MTBP: variants seen among roughly 807,000 people sequenced by gnomAD.
The protein encoded by MTBP is MDM2 binding protein, also known as mdm2-binding protein.
MTBP carries 101 observed loss-of-function variants against 117.0 expected under a neutral mutation model. The observed-to-expected ratio is 0.86, with a 90% CI of 0.73 to 1.02. MTBP has a LOEUF of 1.02. MTBP is among the 50% of genes least tolerant of loss of function. The pLI is 0.00. For synonymous variants in MTBP, 350 were observed against 351.5 expected, an observed-to-expected ratio of 1.00 and a Z score of 0.05; for missense variants, 970 against 1,030.9, an observed-to-expected ratio of 0.94 and a Z score of 0.81.
chr8:120,484,401 C>T (rs1814164652), intron 11 of MTBP, among the ~76,000 whole-genome samples: 1 of 152,032 alleles, frequency 6.6e-6, no homozygotes, highest in African/African-American at 2.4e-5. Context: ...TGGGAATAGA[C>T]TATAACCCAC....
chr8:120,505,453 T>C (rs1814669480), intron 15 of MTBP, among the ~76,000 whole-genome samples: 1 of 152,112 alleles, frequency 6.6e-6, no homozygotes, highest in Non-Finnish European at 1.5e-5. Context: ...CGGAGAGAAT[T>C]TGAGTGTTTT....
chr8:120,461,208 A>G lies in MTBP; in HGVS notation c.930A>G (p.Lys310=), dbSNP rs577492905. 3.8e-4 allele frequency: 614 copies of G among 1,606,428 alleles called. 5 individuals carry two copies. The South Asian group carries it at 6.5e-3, about 17-fold the overall frequency. ...GPALEFVQMI[K]LSDLPSCYMS... is the part of the protein sequence containing the mutation. ...CTTTAGAATTTGTGCAGATGATAAA[A>G]TTATCAGATCTACCCTCCTGCTATA... is the stretch of plus-strand genomic sequence containing the variant. Residue 310 remains lysine, a synonymous_variant, in exon 9 of 22, where the codon AAA becomes AAG. Transcript: ENST00000305949.
Position 120,490,457 on chromosome 8 carries a change from T to C in MTBP, c.1340-6T>C. Reference sequence around the variant, plus strand: ...ATGTTGACCTTTTTTTTTTCTTATTTCTCAGGTTTTCCTTTTGACTTATTA... The same window carrying C: ...ATGTTGACCTTTTTTTTTTCTTATTCCTCAGGTTTTCCTTTTGACTTATTA... On this transcript the variant is annotated splice_polypyrimidine_tract_variant and splice_region_variant and intron_variant, in intron 12 of 21. Transcript: ENST00000305949. The C allele has an allele frequency of 1.3e-6, 2 of 1,571,200 alleles. No homozygotes were observed. Among genetic ancestry groups the C allele is most frequent in the Non-Finnish European group, 1.7e-6 (2 of 1,148,298 alleles).
At chr8:120,493,231 A>G (rs891508931) in intron 13 of MTBP, among the ~76,000 whole-genome samples, 7 of 152,154 alleles carry the variant, frequency 4.6e-5, no homozygotes, top group Admixed American at 3.3e-4. Flanking sequence ...CTTTAGTCCA[A>G]TGTTTTTCTC....
chr8:120,449,096 G>T (rs1001329419), intron 2 of MTBP, among the ~76,000 whole-genome samples: 1 of 152,134 alleles, frequency 6.6e-6, no homozygotes, highest in Non-Finnish European at 1.5e-5. Flanking sequence ...TTCTGTACTG[G>T]GGGATTCTGT....
Position 120,523,349 on chromosome 8 carries a change from CTCTT to C in MTBP, c.*15_*18del, listed in dbSNP as rs753976017. On this transcript the variant is annotated 3_prime_UTR_variant, in exon 22 of 22. Transcript: ENST00000305949. ...AAGCAAGAAATGATACATAATCATTCTCTTTAAGACAATTATAAATTGGATGGAG... is the reference window on the plus strand; with the variant it reads ...AAGCAAGAAATGATACATAATCATTCTAAGACAATTATAAATTGGATGGAG... The C allele has an allele frequency of 1.3e-6, 2 of 1,486,862 alleles. No individual in the cohort carries two copies. The highest frequency in any genetic ancestry group is 1.8e-6 in the Non-Finnish European group (2 of 1,090,580). The allele number at this position is 1,486,862 out of a possible 1,614,324, so 92.1% of individuals were successfully genotyped here. A position where few individuals can be genotyped will look rare whatever the true frequency, so the allele number is the denominator to read the frequency against.
intron 13 of MTBP, among the ~76,000 whole-genome samples, chr8:120,495,392 GT>G (rs1814430065): frequency 6.6e-6 from 1 of 151,998 alleles, no homozygotes; most frequent in African/African-American, 2.4e-5. Flanking sequence ...TCTCTAGAAG[GT>G]TTACTCTGAG....
At chr8:120,469,515 T>A (rs953381211) in intron 10 of MTBP, among the ~76,000 whole-genome samples, 1 of 152,218 alleles carries the variant, frequency 6.6e-6, no homozygotes, top group Non-Finnish European at 1.5e-5. Flanking sequence ...TCTTCAAGGC[T>A]CTCGTCTCCT....
At chr8:120,455,657 T>G (rs574441594) in intron 6 of MTBP, 78 bp downstream of exon 6, 7 of 1,376,592 alleles carry the variant, frequency 5.1e-6, no homozygotes, top group Non-Finnish European at 7.0e-6. Context: ...CTTTTCAGAC[T>G]CAGCGTTTGA....
chr8:120,457,285 TGG>T (rs1170319899), intron 7 of MTBP, among the ~76,000 whole-genome samples: 1 of 152,196 alleles, frequency 6.6e-6, no homozygotes, highest in Admixed American at 6.5e-5. Context: ...AGAATGTTTG[TGG>T]GTTTTGTAAG....
chr8:120,446,597 A>G (rs569444496), intron 2 of MTBP, 84 bp downstream of exon 2: 2 of 845,884 alleles, frequency 2.4e-6, no homozygotes, highest in African/African-American at 1.7e-5. Context: ...AAGGAGTACA[A>G]GGAAATACTT....
chr8:120,489,633 G>A (rs920247748), intron 12 of MTBP, among the ~76,000 whole-genome samples: 3 of 152,126 alleles, frequency 2.0e-5, no homozygotes, highest in African/African-American at 4.8e-5. Flanking sequence ...TCCTAGTCCG[G>A]TGTGACAGAA....
chr8:120,501,531 AGAGT>A (rs1400052606), intron 14 of MTBP, among the ~76,000 whole-genome samples: 1 of 151,868 alleles, frequency 6.6e-6, no homozygotes, highest in East Asian at 1.9e-4. Context: ...CCTGGGCGAC[AGAGT>A]GAGACTCTTG....
chr8:120,480,936 G>A (rs748448770), intron 11 of MTBP, among the ~76,000 whole-genome samples: 18 of 152,218 alleles, frequency 1.2e-4, no homozygotes, highest in Non-Finnish European at 2.1e-4. Context: ...AGTTCCAGTC[G>A]TATATCTGAC....
intron 5 of MTBP, among the ~76,000 whole-genome samples, chr8:120,455,017 A>C (rs944994698): frequency 3.3e-5 from 5 of 151,794 alleles, no homozygotes; most frequent in Admixed American, 2.0e-4. Context: ...GCACTTATTC[A>C]TTCTCTTTTG....
chr8:120,482,822 C>T (rs910836156), intron 11 of MTBP, among the ~76,000 whole-genome samples: 3 of 151,940 alleles, frequency 2.0e-5, no homozygotes, highest in Non-Finnish European at 4.4e-5. Flanking sequence ...GCCTCAGCCT[C>T]CCGAGTAGCT....
intron 14 of MTBP, among the ~76,000 whole-genome samples, chr8:120,498,993 C>T (rs1814526675): frequency 6.6e-6 from 1 of 152,104 alleles, no homozygotes; most frequent in Admixed American, 6.6e-5. Context: ...CAGGAGAGCT[C>T]ATCTTAAAAT....
chr8:120,448,921 G>A (rs1463171236), intron 2 of MTBP, among the ~76,000 whole-genome samples: 2 of 152,164 alleles, frequency 1.3e-5, no homozygotes, highest in Non-Finnish European at 2.9e-5. Flanking sequence ...GGTAGGCATG[G>A]CTATTTAGAG....
intron 11 of MTBP, among the ~76,000 whole-genome samples, chr8:120,475,570 T>C (rs897752319): frequency 2.6e-5 from 4 of 151,988 alleles, no homozygotes; most frequent in African/African-American, 9.7e-5. Context: ...ATCAGCAATT[T>C]CACATAGTTT....
Sources: allele counts gnomAD v4.1 joint callset (sites outside exome capture counted in the v4.1 genomes callset), GRCh38; gene constraint gnomAD v4.1.1; transcripts MANE v1.5; gene names NCBI Gene and HGNC (gene_info 2026-07-23, HGNC 2026-07-21).